LYPLAL1: variants seen among roughly 807,000 people sequenced by gnomAD.
LYPLAL1 encodes the protein lysophospholipase-like protein 1.
LYPLAL1 carries 23 observed loss-of-function variants against 19.7 expected under a neutral mutation model. The observed-to-expected ratio is 1.17, with a 90% CI of 0.84 to 1.65. LYPLAL1 has a LOEUF of 1.65. Ranked by LOEUF, LYPLAL1 falls within the 40% of genes most tolerant of loss-of-function variation. The probability of loss-of-function intolerance (pLI) is 0.00; values close to 1 mark genes in which losing one functional copy is unlikely to be tolerated. For synonymous variants in LYPLAL1, 119 were observed against 96.3 expected (o/e 1.24, Z -1.38); for missense variants, 355 against 279.4 (o/e 1.27, Z -1.93).
At chr1:219,258,510 A>G in the LYPLAL1 span, among the ~76,000 whole-genome samples, 8 of 152,060 alleles carry the variant, frequency 5.3e-5, no homozygotes, top group East Asian at 1.9e-4. Context: ...CAACTATACT[A>G]TGCTCTTAAA....
At chr1:219,442,022 G>T in the LYPLAL1 span, among the ~76,000 whole-genome samples, 3 of 152,008 alleles carry the variant, frequency 2.0e-5, no homozygotes, top group Non-Finnish European at 4.4e-5. Flanking sequence ...TACCTCCCTG[G>T]GCAAGTAGGA....
the LYPLAL1 span, among the ~76,000 whole-genome samples, chr1:219,228,568 CT>C: frequency 1.8e-4 from 28 of 152,122 alleles, 1 homozygote; most frequent in Middle Eastern, 0.01. Context: ...TTTCCTCAAG[CT>C]TCCCATATAG....
At chr1:219,399,512 AATCT>A in the LYPLAL1 span, among the ~76,000 whole-genome samples, 3 of 152,100 alleles carry the variant, frequency 2.0e-5, no homozygotes, top group Admixed American at 2.0e-4. Context: ...AGGAAGGCAA[AATCT>A]ACCCATGCGC....
At chr1:219,178,540 T>C (rs1188977550) in intron 1 of LYPLAL1, among the ~76,000 whole-genome samples, 2 of 152,252 alleles carry the variant, frequency 1.3e-5, no homozygotes, top group Non-Finnish European at 2.9e-5. Flanking sequence ...TCCATTTTTT[T>C]CTGTAAATAC....
chr1:219,229,223 A>G, the LYPLAL1 span, among the ~76,000 whole-genome samples: 3 of 150,378 alleles, frequency 2.0e-5, no homozygotes, highest in Admixed American at 6.6e-5. Context: ...TTTAAATGAT[A>G]CGGAAGCGGG....
the LYPLAL1 span, among the ~76,000 whole-genome samples, chr1:219,393,114 T>C: frequency 6.6e-6 from 1 of 152,178 alleles, no homozygotes; most frequent in Non-Finnish European, 1.5e-5. Flanking sequence ...TAAGGGTTGG[T>C]TACTGGGCTC....
chr1:219,428,118 C>T, the LYPLAL1 span, among the ~76,000 whole-genome samples: 5 of 152,182 alleles, frequency 3.3e-5, no homozygotes, highest in African/African-American at 1.2e-4. Context: ...ATAAGGAGTT[C>T]AGCAAAACCC....
the LYPLAL1 span, among the ~76,000 whole-genome samples, chr1:219,264,257 T>A: frequency 5.9e-5 from 9 of 152,222 alleles, no homozygotes; most frequent in Admixed American, 5.9e-4. Context: ...AAAGAAAAAT[T>A]AAATTTTCAG....
the LYPLAL1 span, among the ~76,000 whole-genome samples, chr1:219,429,039 C>T: frequency 0.027 from 4,170 of 152,236 alleles, 178 homozygotes; most frequent in African/African-American, 0.095. Context: ...ATTGTGCCTA[C>T]CTTACCTTTG....
At chr1:219,352,269 G>A in the LYPLAL1 span, among the ~76,000 whole-genome samples, 2 of 152,180 alleles carry the variant, frequency 1.3e-5, no homozygotes, top group African/African-American at 4.8e-5. Flanking sequence ...GGTGGCTCAC[G>A]CCTGTAATCC....
the LYPLAL1 span, among the ~76,000 whole-genome samples, chr1:219,404,731 A>G: frequency 1.3e-5 from 2 of 152,222 alleles, no homozygotes; most frequent in African/African-American, 4.8e-5. Flanking sequence ...GCTACACTTA[A>G]CAATAATTTG....
downstream of LYPLAL1, among the ~76,000 whole-genome samples, chr1:219,217,318 CTT>C (rs1553304589): frequency 6.6e-6 from 1 of 150,502 alleles, no homozygotes; most frequent in Non-Finnish European, 1.5e-5. Flanking sequence ...TTCTGTAAGT[CTT>C]TAACAAAATG....
At chr1:219,445,027 C>G in the LYPLAL1 span, among the ~76,000 whole-genome samples, 1 of 151,070 alleles carries the variant, frequency 6.6e-6, no homozygotes, top group African/African-American at 2.4e-5. Context: ...AATATGCTTT[C>G]TAGACCACAA....
chr1:219,182,447 A>G (rs6699816), intron 2 of LYPLAL1, among the ~76,000 whole-genome samples: 20,621 of 151,890 alleles, frequency 0.14, 1,482 homozygotes, highest in East Asian at 0.26. Context: ...TATTATGGCA[A>G]TGTTTCTTGT....
At chr1:219,375,873 C>T in the LYPLAL1 span, among the ~76,000 whole-genome samples, 2 of 151,872 alleles carry the variant, frequency 1.3e-5, no homozygotes, top group Non-Finnish European at 2.9e-5. Context: ...TCCCGAGTAG[C>T]TGGGACTACA....
the LYPLAL1 span, among the ~76,000 whole-genome samples, chr1:219,321,958 T>G: frequency 1.3e-5 from 2 of 152,196 alleles, no homozygotes; most frequent in African/African-American, 4.8e-5. Flanking sequence ...TGAGTCCCAA[T>G]GCTTTGGATA....
chr1:219,180,299 T>C (rs1656170816), intron 2 of LYPLAL1, among the ~76,000 whole-genome samples: 1 of 152,238 alleles, frequency 6.6e-6, no homozygotes, highest in Non-Finnish European at 1.5e-5. Flanking sequence ...TCTTGATTTT[T>C]TTCTTATCAG....
chr1:219,418,029 T>C, the LYPLAL1 span, among the ~76,000 whole-genome samples: 1 of 152,230 alleles, frequency 6.6e-6, no homozygotes, highest in Non-Finnish European at 1.5e-5. Flanking sequence ...TAATTGCAGC[T>C]GACAAAACAA....
the LYPLAL1 span, among the ~76,000 whole-genome samples, chr1:219,254,193 C>T: frequency 6.6e-6 from 1 of 151,990 alleles, no homozygotes; most frequent in Non-Finnish European, 1.5e-5. Context: ...AGACGGATCT[C>T]TTGAAGATGG....
Sources: gnomAD v4.1 joint callset for allele counts (sites outside exome capture counted in the v4.1 genomes callset) on GRCh38, gnomAD v4.1.1 for gene constraint, MANE v1.5 for transcripts, NCBI Gene and HGNC (gene_info 2026-07-23, HGNC 2026-07-21) for gene names.